Variants in KCNC2 observed in about 807,000 individuals in gnomAD.
The protein encoded by KCNC2 is voltage-gated potassium channel KCNC2.
KCNC2 carries 21 observed loss-of-function variants against 44.5 expected under a neutral mutation model. That is an observed-to-expected ratio of 0.47 (90% CI 0.33 to 0.68). KCNC2 has a LOEUF of 0.68. Ranked by LOEUF, KCNC2 falls within the 30% of genes least tolerant of loss-of-function variation. The probability of loss-of-function intolerance (pLI) is 0.01; values close to 1 mark genes in which losing one functional copy is unlikely to be tolerated. For missense variants in KCNC2, 589 were observed against 826.2 expected, an observed-to-expected ratio of 0.71 and a Z score of 3.52; for synonymous variants, 391 against 339.1, an observed-to-expected ratio of 1.15 and a Z score of -1.68.
intron 2 of KCNC2, among the ~76,000 whole-genome samples, chr12:75,144,222 C>T (rs1252092665): frequency 1.3e-5 from 2 of 152,110 alleles, no homozygotes; most frequent in Admixed American, 1.3e-4. Flanking sequence ...TCATAAGCAT[C>T]CTCAGGGCAC....
chr12:75,148,138 T>C (rs1206899326), intron 2 of KCNC2, among the ~76,000 whole-genome samples: 2 of 152,086 alleles, frequency 1.3e-5, no homozygotes, highest in African/African-American at 2.4e-5. Context: ...GAACATTGCA[T>C]TGTAGCCCAC....
Position 75,040,845 on chromosome 12 carries a change from C to G in KCNC2, c.*2260G>C. 2.2e-6 allele frequency: 1 copy of G among 452,746 alleles called. No homozygotes were observed. The highest frequency in any genetic ancestry group is 4.0e-6 in the Non-Finnish European group (1 of 248,596). The allele number at this position is 452,746 out of a possible 1,614,324, so 28.0% of individuals were successfully genotyped here. A position where few individuals can be genotyped will look rare whatever the true frequency, so the allele number is the denominator to read the frequency against. ...TAATGTGGGCCCATGAAGAGTAATT[C>G]AAAGAAGTGTGGGCCTTACTTGAAA... On this transcript the variant is annotated 3_prime_UTR_variant, in exon 5 of 5. Coordinates refer to ENST00000549446, the MANE Select transcript of KCNC2 (RefSeq NM_139137.4).
At chr12:75,203,377 T>A (rs942215287) in intron 2 of KCNC2, among the ~76,000 whole-genome samples, 10 of 151,850 alleles carry the variant, frequency 6.6e-5, no homozygotes, top group African/African-American at 2.4e-4. Context: ...TTGGTAATGC[T>A]GTAGAAGTAA....
intron 2 of KCNC2, among the ~76,000 whole-genome samples, chr12:75,097,247 A>T (rs145968241): frequency 0.012 from 1,816 of 152,214 alleles, 31 homozygotes; most frequent in African/African-American, 0.041. Flanking sequence ...GGTTTGCAGA[A>T]GGAAGGGAGT....
At position 75,040,997 on chromosome 12, in the gene KCNC2, C is replaced by G; in HGVS notation, c.*2108G>C. The G allele has an allele frequency of 1.2e-6, 1 of 848,884 alleles. No individual in the cohort carries two copies. Among genetic ancestry groups the G allele is most frequent in the East Asian group, 2.6e-5 (1 of 38,954 alleles). 52.6% of individuals were successfully genotyped at this position (848,884 alleles called of 1,614,324 possible). A position where few individuals can be genotyped will look rare whatever the true frequency, so the allele number is the denominator to read the frequency against. On this transcript the variant is annotated 3_prime_UTR_variant, in exon 5 of 5. Transcript: ENST00000549446. ...CTGGCCAGTCTACAAGCAGAGCACT[C>G]TCATGGGGAGCACCAGATGAGTTCC... is the stretch of plus-strand genomic sequence containing the variant.
intron 2 of KCNC2, among the ~76,000 whole-genome samples, chr12:75,056,023 A>G (rs1457960234): frequency 6.6e-6 from 1 of 152,064 alleles, no homozygotes; most frequent in Non-Finnish European, 1.5e-5. Context: ...ACTCTCGCCC[A>G]GGATCACTAA....
rs868058886 is a variant in KCNC2, at chr12:75,041,761, T to A, written c.*1344A>T. On this transcript the variant is annotated 3_prime_UTR_variant, in exon 5 of 5. Transcript: ENST00000549446. ...GAAATTGCTGCTTAAACCCTGCTTATCAAAAAGATTCACAGTGCCGATTAA... is the reference window on the plus strand; with the variant it reads ...GAAATTGCTGCTTAAACCCTGCTTAACAAAAAGATTCACAGTGCCGATTAA... 4.0e-6 allele frequency: 4 copies of A among 991,532 alleles called. No individual in the cohort carries two copies. The highest frequency in any genetic ancestry group is 3.5e-5 in the African/African-American group (2 of 57,376). 61.4% of individuals were successfully genotyped at this position (991,532 alleles called of 1,614,324 possible).
chr12:75,050,331 C>T, intron 3 of KCNC2, 59 bp downstream of exon 3: 1 of 1,230,256 alleles, frequency 8.1e-7, no homozygotes, highest in South Asian at 1.4e-5. Flanking sequence ...TGCCTTCTGC[C>T]TAAGGAACAT....
chr12:75,118,926 G>T (rs1887860836), intron 2 of KCNC2, among the ~76,000 whole-genome samples: 1 of 152,110 alleles, frequency 6.6e-6, no homozygotes, highest in Non-Finnish European at 1.5e-5. Context: ...TATAGGCAGA[G>T]GAAACTACAC....
intron 2 of KCNC2, among the ~76,000 whole-genome samples, chr12:75,174,720 T>A (rs1055476772): frequency 1.3e-5 from 2 of 151,878 alleles, no homozygotes; most frequent in Non-Finnish European, 2.9e-5. Context: ...TAAGAAGAAA[T>A]GGAGTCTATT....
intron 2 of KCNC2, among the ~76,000 whole-genome samples, chr12:75,066,038 C>T (rs1344711992): frequency 6.6e-6 from 1 of 152,024 alleles, no homozygotes; most frequent in East Asian, 1.9e-4. Context: ...AAATATACGT[C>T]TATTAAAATT....
chr12:75,104,044 T>A (rs528053673), intron 2 of KCNC2, among the ~76,000 whole-genome samples: 2 of 152,120 alleles, frequency 1.3e-5, no homozygotes, highest in East Asian at 3.9e-4. Flanking sequence ...CTGCTTTGCA[T>A]GATCCTGGAT....
chr12:75,183,635 AT>A (rs2137661580), intron 2 of KCNC2, among the ~76,000 whole-genome samples: 1 of 152,310 alleles, frequency 6.6e-6, no homozygotes, highest in Non-Finnish European at 1.5e-5. Context: ...TAACATAATC[AT>A]TATGACTCGT....
At chr12:75,155,136 C>T (rs1165468205) in intron 2 of KCNC2, among the ~76,000 whole-genome samples, 3 of 151,732 alleles carry the variant, frequency 2.0e-5, no homozygotes, top group Non-Finnish European at 2.9e-5. Context: ...AAAAAAAACG[C>T]CCCTCTTTAC....
At chr12:75,199,456 C>T (rs748640933) in intron 2 of KCNC2, among the ~76,000 whole-genome samples, 28 of 151,790 alleles carry the variant, frequency 1.8e-4, no homozygotes, top group Non-Finnish European at 3.5e-4. Context: ...CCCAACATTA[C>T]CCATAACATT....
chr12:75,106,264 G>A (rs1053199623), intron 2 of KCNC2, among the ~76,000 whole-genome samples: 2 of 152,186 alleles, frequency 1.3e-5, no homozygotes, highest in African/African-American at 2.4e-5. Flanking sequence ...AAACCAGAGA[G>A]TGGTGGGTTC....
At chr12:75,083,230 T>C (rs1884670666) in intron 2 of KCNC2, among the ~76,000 whole-genome samples, 1 of 151,774 alleles carries the variant, frequency 6.6e-6, no homozygotes. Flanking sequence ...CTGTTTTCTG[T>C]TTGCTATTTT....
intron 2 of KCNC2, among the ~76,000 whole-genome samples, chr12:75,166,296 C>T (rs1027402864): frequency 6.6e-6 from 1 of 150,660 alleles, no homozygotes; most frequent in Non-Finnish European, 1.5e-5. Flanking sequence ...TGAACCTGAA[C>T]CCCAGAATAC....
intron 2 of KCNC2, among the ~76,000 whole-genome samples, chr12:75,186,439 T>C (rs878905145): frequency 6.6e-6 from 1 of 152,202 alleles, no homozygotes; most frequent in Admixed American, 6.5e-5. Flanking sequence ...AATACTCTTT[T>C]CATAAATATT....
Sources: allele counts gnomAD v4.1 joint callset (sites outside exome capture counted in the v4.1 genomes callset), GRCh38; gene constraint gnomAD v4.1.1; transcripts MANE v1.5; gene names NCBI Gene and HGNC (gene_info 2026-07-23, HGNC 2026-07-21).